CSMD1: variants seen among roughly 807,000 people sequenced by gnomAD.
CSMD1 encodes CUB and sushi domain-containing protein 1.
A neutral mutation model predicts 417.5 loss-of-function variants in CSMD1; 213 were observed. The ratio of observed to expected loss-of-function variants is 0.51; its 90% CI spans 0.46 to 0.57. CSMD1 has a LOEUF of 0.57. CSMD1 is among the 20% of genes least tolerant of loss of function. CSMD1 has a pLI of 0.00. For missense variants in CSMD1, 6,923 were observed against 4,529.7 expected (o/e 1.53, Z -15.17); for synonymous variants, 2,862 against 1,736.8 (o/e 1.65, Z -16.11).
At chr8:4,596,918 A>C (rs184720816) in intron 2 of CSMD1, among the ~76,000 whole-genome samples, 64 of 152,266 alleles carry the variant, frequency 4.2e-4, no homozygotes, top group African/African-American at 1.3e-3. Flanking sequence ...TGATGGGTTT[A>C]TCAGGGGTTT....
chr8:3,950,776 G>A (rs937349866), intron 5 of CSMD1, among the ~76,000 whole-genome samples: 1 of 152,106 alleles, frequency 6.6e-6, no homozygotes, highest in African/African-American at 2.4e-5. Context: ...CTAACAAACA[G>A]TACATGGTAT....
At chr8:4,686,519 G>C (rs533707719) in intron 1 of CSMD1, among the ~76,000 whole-genome samples, 1 of 152,338 alleles carries the variant, frequency 6.6e-6, no homozygotes, top group African/African-American at 2.4e-5. Context: ...CGGGAGCACA[G>C]CGAAGAACCT....
intron 7 of CSMD1, among the ~76,000 whole-genome samples, chr8:3,689,610 A>T (rs1472790998): frequency 1.3e-5 from 2 of 152,180 alleles, no homozygotes; most frequent in Non-Finnish European, 2.9e-5. Flanking sequence ...CACTGAACAG[A>T]AATATTTAGA....
At chr8:4,551,596 AT>A in intron 2 of CSMD1, among the ~76,000 whole-genome samples, 1 of 152,118 alleles carries the variant, frequency 6.6e-6, no homozygotes, top group Non-Finnish European at 1.5e-5. Context: ...CACACTCAAG[AT>A]GCTGCCATCA....
At chr8:4,882,515 C>G (rs1202256866) in intron 1 of CSMD1, among the ~76,000 whole-genome samples, 1 of 151,730 alleles carries the variant, frequency 6.6e-6, no homozygotes, top group African/African-American at 2.4e-5. Context: ...AAGGCTTCCT[C>G]TCCCACAGGT....
intron 1 of CSMD1, among the ~76,000 whole-genome samples, chr8:4,800,547 G>C (rs1047828615): frequency 6.6e-6 from 1 of 152,284 alleles, no homozygotes; most frequent in Non-Finnish European, 1.5e-5. Context: ...TTTTTAAGAA[G>C]AGTTTTCTGA....
chr8:4,667,163 A>G (rs1168221994), intron 1 of CSMD1, among the ~76,000 whole-genome samples: 1 of 152,114 alleles, frequency 6.6e-6, no homozygotes, highest in African/African-American at 2.4e-5. Context: ...TCGGCCACAT[A>G]TATGTAGGCC....
At chr8:4,458,205 T>A (rs1036924676) in intron 2 of CSMD1, among the ~76,000 whole-genome samples, 5 of 152,156 alleles carry the variant, frequency 3.3e-5, no homozygotes, top group African/African-American at 1.2e-4. Context: ...AATCACCTTG[T>A]AAAGAAATAT....
chr8:4,695,887 C>A lies in CSMD1; in HGVS notation c.86-58329G>T, dbSNP rs183655901. Among the ~76,000 whole-genome samples the A allele has an allele frequency of 3.0e-3, 452 of 152,260 alleles. 2 individuals carry two copies. Among genetic ancestry groups the A allele is most frequent in the Non-Finnish European group, 5.1e-3 (346 of 68,028 alleles). On this transcript the variant is annotated intron_variant, in intron 1 of 69. Coordinates refer to ENST00000635120, the MANE Select transcript of CSMD1 (RefSeq NM_033225.6). ...CCACCACTCTTTTGAACATGAGAAA[C>A]CCTATGTATTTGCCAAATTTAATAA...
At chr8:4,081,188 A>T (rs943751418) in intron 3 of CSMD1, among the ~76,000 whole-genome samples, 2 of 152,172 alleles carry the variant, frequency 1.3e-5, no homozygotes, top group African/African-American at 2.4e-5. Context: ...TCTGTTATTT[A>T]TAAATTATCC....
At chr8:4,162,987 G>A (rs914348830) in intron 3 of CSMD1, among the ~76,000 whole-genome samples, 2 of 152,172 alleles carry the variant, frequency 1.3e-5, no homozygotes, top group African/African-American at 4.8e-5. Context: ...GAATCACAAA[G>A]TGGGTAACCT....
chr8:3,500,296 G>C (rs898536827), intron 10 of CSMD1, among the ~76,000 whole-genome samples: 14 of 152,244 alleles, frequency 9.2e-5, no homozygotes, highest in African/African-American at 2.9e-4. Flanking sequence ...GGGCACTCTA[G>C]CTAGACATCT....
rs56138357 is a variant in CSMD1 at position 4,084,333 on chromosome 8, G to GAA, written c.416-52236_416-52235dup. Among the ~76,000 whole-genome samples the GAA allele has an allele frequency of 2.4e-3, 349 of 147,074 alleles. 3 individuals are homozygous for GAA. Among genetic ancestry groups the GAA allele is most frequent in the African/African-American group, 8.3e-3 (330 of 39,814 alleles). On this transcript the variant is annotated intron_variant, in intron 3 of 69. Transcript: ENST00000635120. ...CAAAAAATATTGGTTTGTTAAAAAA[G>GAA]AAAAAAAAAAACAAACTACAACCAT... is the stretch of plus-strand genomic sequence containing the variant.
At chr8:4,689,808 T>C (rs573484514) in intron 1 of CSMD1, among the ~76,000 whole-genome samples, 1 of 152,266 alleles carries the variant, frequency 6.6e-6, no homozygotes, top group African/African-American at 2.4e-5. Context: ...AATTTATCTA[T>C]GGGGTCACAA....
chr8:4,418,758 A>G (rs1014306559), intron 3 of CSMD1, among the ~76,000 whole-genome samples: 3 of 144,206 alleles, frequency 2.1e-5, no homozygotes, highest in Middle Eastern at 6.9e-3. Flanking sequence ...CTGATCTTCA[A>G]TTAGCCTGCT....
At chr8:3,750,666 G>A (rs1306328732) in intron 6 of CSMD1, among the ~76,000 whole-genome samples, 1 of 152,116 alleles carries the variant, frequency 6.6e-6, no homozygotes, top group African/African-American at 2.4e-5. Context: ...TTCCCTGCTT[G>A]ACAGAAGGTT....
intron 5 of CSMD1, among the ~76,000 whole-genome samples, chr8:3,880,493 G>C (rs1806134985): frequency 6.6e-6 from 1 of 152,044 alleles, no homozygotes; most frequent in African/African-American, 2.4e-5. Context: ...TTTCCTTAGA[G>C]TTATAAATAA....
At chr8:3,326,155 C>T (rs907235363) in intron 23 of CSMD1, among the ~76,000 whole-genome samples, 1 of 152,176 alleles carries the variant, frequency 6.6e-6, no homozygotes, top group Non-Finnish European at 1.5e-5. Flanking sequence ...GGACGTTCGA[C>T]AACATCATAC....
intron 6 of CSMD1, among the ~76,000 whole-genome samples, chr8:3,715,068 A>G (rs1315723647): frequency 3.3e-5 from 5 of 152,186 alleles, no homozygotes; most frequent in Non-Finnish European, 5.9e-5. Flanking sequence ...CTTCCCCTCC[A>G]AATTTTAACA....
Sources: gnomAD v4.1 joint callset for allele counts (sites outside exome capture counted in the v4.1 genomes callset) on GRCh38, gnomAD v4.1.1 for gene constraint, MANE v1.5 for transcripts, NCBI Gene and HGNC (gene_info 2026-07-23, HGNC 2026-07-21) for gene names.